MON1B: variants seen among roughly 807,000 people sequenced by gnomAD.
The protein encoded by MON1B is MON1 vesicular trafficking associated B.
A neutral mutation model predicts 45.1 loss-of-function variants in MON1B; 26 were observed. The observed-to-expected ratio is 0.58, with a 90% CI of 0.42 to 0.80. The LOEUF is 0.80. MON1B is among the 30% of genes least tolerant of loss of function. The pLI, the probability that MON1B is intolerant of heterozygous loss-of-function variation, is 0.00. For synonymous variants in MON1B, 395 were observed against 320.2 expected (o/e 1.23, Z -2.49); for missense variants, 737 against 754.5 (o/e 0.98, Z 0.27).
Position 77,194,993 on chromosome 16 carries a change from T to TGCCATGCGTGCCCTTG in MON1B, c.1136_1151dup (p.Glu385HisfsTer12). 1.2e-6 allele frequency: 2 copies of TGCCATGCGTGCCCTTG among 1,613,672 alleles called. No homozygotes were observed. Among genetic ancestry groups the TGCCATGCGTGCCCTTG allele is most frequent in the Non-Finnish European group, 1.7e-6 (2 of 1,179,898 alleles). ...TTGAAGATGGGATGCATGCCCTTGG[T>TGCCATGCGTGCCCTTG]GCCATGCGTGCCCTTGGGGAGGCTG... On this transcript the variant is annotated frameshift_variant, in exon 4 of 6. Transcript: ENST00000248248. LOFTEE classifies it high-confidence loss of function. This position sits in a 1 kb window ranked among gnomAD's most constrained non-coding sequence, Gnocchi z 8.1.
At position 77,194,626 on chromosome 16, in the gene MON1B, C is replaced by A. The variant is rs1029318846; in HGVS notation, c.767C>A (p.Pro256Gln). ...GAVRCVPLAR[P>Q]LRDALGALLR... is the part of the protein sequence containing the mutation. ...GTGCGCTGTGTGCCCCTTGCCCGCC[C>A]GCTGCGAGACGCACTAGGTGCGCTC... is the stretch of plus-strand genomic sequence containing the variant. The change falls in exon 4 of 6, where the codon CCG (proline) becomes CAG (glutamine). Residue 256 changes from proline to glutamine, a missense_variant. Coordinates refer to ENST00000248248, the MANE Select transcript of MON1B (RefSeq NM_014940.4). This position sits in a 1 kb window ranked among gnomAD's most constrained non-coding sequence, Gnocchi z 8.1. 1.9e-6 allele frequency: 3 copies of A among 1,613,640 alleles called. No homozygotes were observed. The highest frequency in any genetic ancestry group is 2.7e-5 in the African/African-American group (2 of 74,948).
rs3743761 is a variant in MON1B, at chr16:77,193,987, C to G, written c.475+210C>G. The G allele has an allele frequency of 0.66, 403,409 of 611,402 alleles. 136,186 individuals are homozygous for G. The highest frequency in any genetic ancestry group is 0.86 in the African/African-American group (46,247 of 54,058). The allele number at this position is 611,402 out of a possible 1,614,324, so 37.9% of individuals were successfully genotyped here. On this transcript the variant is annotated intron_variant, in intron 3 of 5. Coordinates refer to ENST00000248248, the MANE Select transcript of MON1B (RefSeq NM_014940.4). The surrounding 1 kb of genome is among the most constrained non-coding windows in gnomAD (Gnocchi z 5.0). ...CTTAGTGATTGACTTGCTGGGATCTCAGTGACTAGCTGGATACTTCTGTGT... is the reference window on the plus strand; with the variant it reads ...CTTAGTGATTGACTTGCTGGGATCTGAGTGACTAGCTGGATACTTCTGTGT...
At position 77,191,265 on chromosome 16, in the gene MON1B, G is replaced by T. The variant is rs1390704933; in HGVS notation, c.-11+7G>T. 9.7e-6 allele frequency: 15 copies of T among 1,540,460 alleles called. No individual in the cohort carries two copies. The highest frequency in any genetic ancestry group is 1.2e-5 in the Non-Finnish European group (14 of 1,146,734). ...AGATTCGGAGTTAAAACAGGTGTTT[G>T]TATATCTCTATTTCCTGAGGCCCAG... On this transcript the variant is annotated splice_region_variant and intron_variant, in intron 1 of 5. Transcript: ENST00000248248.
intron 5 of MON1B, among the ~76,000 whole-genome samples, chr16:77,197,506 T>C (rs1407926405): frequency 1.3e-5 from 2 of 152,098 alleles, no homozygotes; most frequent in African/African-American, 4.8e-5. Flanking sequence ...TAGGGAGGTA[T>C]TGAGCTACGT....
Position 77,193,334 on chromosome 16 carries a change from G to C in MON1B, c.149-117G>C. 1 of 997,534 alleles carries C rather than the reference G, an allele frequency of 1.0e-6. No homozygotes were observed. Among genetic ancestry groups the C allele is most frequent in the Non-Finnish European group, 1.5e-6 (1 of 683,500 alleles). 61.8% of individuals were successfully genotyped at this position (997,534 alleles called of 1,614,324 possible). Reference sequence around the variant, plus strand: ...TTGAGGGGCATAGGAGACACTTGGAGTTCTGCGTCAGCATGCAGGGGTCAT... The same window carrying C: ...TTGAGGGGCATAGGAGACACTTGGACTTCTGCGTCAGCATGCAGGGGTCAT... On this transcript the variant is annotated intron_variant, in intron 2 of 5. Coordinates refer to ENST00000248248, the MANE Select transcript of MON1B (RefSeq NM_014940.4). This position sits in a 1 kb window ranked among gnomAD's most constrained non-coding sequence, Gnocchi z 5.0.
At chr16:77,191,313 G>C in intron 1 of MON1B, 55 bp downstream of exon 1, 1 of 1,526,416 alleles carries the variant, frequency 6.6e-7, no homozygotes, top group Non-Finnish European at 8.8e-7. Flanking sequence ...TTTTCGGAAA[G>C]TGTTGGAGGG....
chr16:77,194,134 TC>T lies in MON1B; in HGVS notation c.476-199del. ...TTTGCTGTGTATCTAACCTACTTGT[TC>T]CTTTGTCCATCCCATCATGTCTCTG... On this transcript the variant is annotated intron_variant, in intron 3 of 5. Transcript: ENST00000248248. The surrounding 1 kb of genome is among the most constrained non-coding windows in gnomAD (Gnocchi z 8.1). The T allele has an allele frequency of 1.5e-6, 1 of 659,340 alleles. No individual in the cohort carries two copies. Among genetic ancestry groups the T allele is most frequent in the Non-Finnish European group, 2.7e-6 (1 of 369,154 alleles). 40.8% of individuals were successfully genotyped at this position (659,340 alleles called of 1,614,324 possible).
rs1224774634 is a variant in MON1B at position 77,191,292 on chromosome 16, A to G, written c.-11+34A>G. ...ATATCTCTATTTCCTGAGGCCCAGTAGAGTCTCCTCTTTTCGGAAAGTGTT... is the reference window on the plus strand; with the variant it reads ...ATATCTCTATTTCCTGAGGCCCAGTGGAGTCTCCTCTTTTCGGAAAGTGTT... On this transcript the variant is annotated intron_variant, in intron 1 of 5. Coordinates refer to ENST00000248248, the MANE Select transcript of MON1B (RefSeq NM_014940.4). 3.9e-6 allele frequency: 6 copies of G among 1,543,560 alleles called. No homozygotes were observed. The Admixed American group carries it at 1.2e-4, about 31-fold the overall frequency.
rs1454031660 is a variant in MON1B, at chr16:77,201,811, G to A, written c.*3503G>A. Reference sequence around the variant, plus strand: ...TTAAATTATAAGTTCTAATTTAAATGTATTAAAATTAAATTATAAGTTGAT... The same window carrying A: ...TTAAATTATAAGTTCTAATTTAAATATATTAAAATTAAATTATAAGTTGAT... On this transcript the variant is annotated 3_prime_UTR_variant, in exon 6 of 6. Coordinates refer to ENST00000248248, the MANE Select transcript of MON1B (RefSeq NM_014940.4). 1.3e-5 allele frequency: 2 copies of A among 152,076 alleles called. No homozygotes were observed. The highest frequency in any genetic ancestry group is 2.4e-5 in the African/African-American group (1 of 41,408). 9.4% of individuals were successfully genotyped at this position (152,076 alleles called of 1,614,324 possible). A position where few individuals can be genotyped will look rare whatever the true frequency, so the allele number is the denominator to read the frequency against.
In MON1B at chr16:77,200,180, A is replaced by G. The variant is rs1230879319; in HGVS notation, c.*1872A>G. On this transcript the variant is annotated 3_prime_UTR_variant, in exon 6 of 6. Coordinates refer to ENST00000248248, the MANE Select transcript of MON1B (RefSeq NM_014940.4). ...CACCATCTCTACTAAAAAACTATAT[A>G]TACATATACATATGTGTGTATGTGT... 1 of 149,964 alleles carries G rather than the reference A, an allele frequency of 6.7e-6. No homozygotes were observed. The highest frequency in any genetic ancestry group is 2.5e-5 in the African/African-American group (1 of 40,770). 9.3% of individuals were successfully genotyped at this position (149,964 alleles called of 1,614,324 possible). A position where few individuals can be genotyped will look rare whatever the true frequency, so the allele number is the denominator to read the frequency against.
At position 77,193,235 on chromosome 16, in the gene MON1B, G is replaced by A. The variant is rs1240040388; in HGVS notation, c.149-216G>A. Among the ~76,000 whole-genome samples the A allele has an allele frequency of 6.6e-6, 1 of 152,102 alleles. No homozygotes were observed. The highest frequency in any genetic ancestry group is 2.4e-5 in the African/African-American group (1 of 41,402). ...ACAATGAGAATATGTTGGTTTATTA[G>A]GGTTTTAGGAAGTTCATTGGAACCT... On this transcript the variant is annotated intron_variant, in intron 2 of 5. Transcript: ENST00000248248. This position sits in a 1 kb window ranked among gnomAD's most constrained non-coding sequence, Gnocchi z 5.0.
At position 77,195,520 on chromosome 16, in the gene MON1B, C is replaced by A; in HGVS notation, c.1296-15C>A. 1.9e-6 allele frequency: 3 copies of A among 1,607,434 alleles called. No individual in the cohort carries two copies. The highest frequency in any genetic ancestry group is 2.6e-6 in the Non-Finnish European group (3 of 1,175,908). On this transcript the variant is annotated splice_polypyrimidine_tract_variant and intron_variant, in intron 4 of 5. Coordinates refer to ENST00000248248, the MANE Select transcript of MON1B (RefSeq NM_014940.4). ...CTGGACTAACCTTGTCCTCCACCTC[C>A]CTCCATCATGGCAGCCCTGAGCTAG...
At chr16:77,195,472 G>A (rs1597376469) in intron 4 of MON1B, 63 bp from the exon 5 acceptor site, 2 of 1,525,498 alleles carry the variant, frequency 1.3e-6, no homozygotes, top group East Asian at 4.6e-5. Context: ...ACTGAGGGAG[G>A]AAATGGGCCA....
Position 77,200,135 on chromosome 16 carries a change from G to C in MON1B, c.*1827G>C, listed in dbSNP as rs991525396. ...TCACGAGGTTAGGAGTTCGAGGCCAGCCTGACCAACATGGTGAAACACCAT... is the reference window on the plus strand; with the variant it reads ...TCACGAGGTTAGGAGTTCGAGGCCACCCTGACCAACATGGTGAAACACCAT... On this transcript the variant is annotated 3_prime_UTR_variant, in exon 6 of 6. Coordinates refer to ENST00000248248, the MANE Select transcript of MON1B (RefSeq NM_014940.4). The C allele has an allele frequency of 1.3e-5, 2 of 150,900 alleles. No individual in the cohort carries two copies. Among genetic ancestry groups the C allele is most frequent in the African/African-American group, 4.9e-5 (2 of 41,020 alleles). 9.3% of individuals were successfully genotyped at this position (150,900 alleles called of 1,614,324 possible).
Position 77,195,040 on chromosome 16 carries a change from C to T in MON1B, c.1181C>T (p.Ser394Leu). Reference sequence around the variant, plus strand: ...GCTGCCAGCTTCTCTAATGCCTCATCAGCCAGTGCTCCTGCCTACAGCGTG... The same window carrying T: ...GCTGCCAGCTTCTCTAATGCCTCATTAGCCAGTGCTCCTGCCTACAGCGTG... ...GEAASFSNASSASAPAYSVQA... is the reference protein window; with the variant it reads ...GEAASFSNASLASAPAYSVQA... The change falls in exon 4 of 6, where the codon TCA (serine) becomes TTA (leucine). Residue 394 changes from serine to leucine, a missense_variant. By Grantham distance (145) the Ser-to-Leu change is moderately radical. Coordinates refer to ENST00000248248, the MANE Select transcript of MON1B (RefSeq NM_014940.4). 6.2e-7 allele frequency: 1 copy of T among 1,611,798 alleles called. No homozygotes were observed. The highest frequency in any genetic ancestry group is 8.5e-7 in the Non-Finnish European group (1 of 1,179,954).
At position 77,200,270 on chromosome 16, in the gene MON1B, A is replaced by ATATATATG. The variant is rs1273001153; in HGVS notation, c.*1963_*1964insATATATGT. 4 of 95,014 alleles carry ATATATATG rather than the reference A, an allele frequency of 4.2e-5. No homozygotes were observed. Among genetic ancestry groups the ATATATATG allele is most frequent in the African/African-American group, 1.4e-4 (4 of 29,342 alleles). The allele number at this position is 95,014 out of a possible 1,614,324, so 5.9% of individuals were successfully genotyped here. On this transcript the variant is annotated 3_prime_UTR_variant, in exon 6 of 6. Transcript: ENST00000248248. The stretch of plus-strand genomic sequence containing the variant: ...TATGTATATGTGTATATATATATAT[A>ATATATATG]TGTGTATATATATATATATATACAC...
Position 77,199,784 on chromosome 16 carries a change from A to C in MON1B, c.*1476A>C. The C allele has an allele frequency of 3.0e-6, 1 of 337,174 alleles. No homozygotes were observed. Among genetic ancestry groups the C allele is most frequent in the Non-Finnish European group, 5.4e-6 (1 of 186,648 alleles). 20.9% of individuals were successfully genotyped at this position (337,174 alleles called of 1,614,324 possible). A position where few individuals can be genotyped will look rare whatever the true frequency, so the allele number is the denominator to read the frequency against. ...CATGTAGTTCAGTACGAAAGTCTTC[A>C]AACAAAAGTGGGGCGGTGGGGATGT... On this transcript the variant is annotated 3_prime_UTR_variant, in exon 6 of 6. Coordinates refer to ENST00000248248, the MANE Select transcript of MON1B (RefSeq NM_014940.4).
chr16:77,195,178 T>C, intron 4 of MON1B, 24 bp downstream of exon 4: 1 of 1,514,084 alleles, frequency 6.6e-7, no homozygotes, highest in Non-Finnish European at 8.8e-7. Context: ...CTAAGGCAAC[T>C]GGCTGGGTGG....
chr16:77,192,029 G>T (rs1224259212), intron 2 of MON1B, among the ~76,000 whole-genome samples: 1 of 152,104 alleles, frequency 6.6e-6, no homozygotes, highest in Non-Finnish European at 1.5e-5. Flanking sequence ...AATAATAGAA[G>T]TGGGAAGGGG....
Sources: allele counts gnomAD v4.1 joint callset (sites outside exome capture counted in the v4.1 genomes callset), GRCh38; gene constraint gnomAD v4.1.1; non-coding constraint Gnocchi (gnomAD v3.1); transcripts MANE v1.5; gene names NCBI Gene and HGNC (gene_info 2026-07-23, HGNC 2026-07-21).